The following RCC1L variants were observed in gnomAD, a reference collection of about 807,000 sequenced individuals.
RCC1L encodes RCC1-like G exchanging factor-like protein.
In RCC1L, 46 loss-of-function variants were observed where a neutral mutation model predicts 58.6. That is an observed-to-expected ratio of 0.79 (90% CI 0.62 to 1.00). RCC1L has a LOEUF of 1.00. Among genes scored for constraint, RCC1L ranks in the 50% least tolerant of loss-of-function variants. The probability of loss-of-function intolerance (pLI) is 0.00; values close to 1 mark genes in which losing one functional copy is unlikely to be tolerated. For missense variants in RCC1L, 636 were observed against 623.6 expected (o/e 1.02, Z -0.21); for synonymous variants, 281 against 262.9 (o/e 1.07, Z -0.67).
chr7:75,043,108 A>G lies in RCC1L; in HGVS notation c.1319T>C (p.Val440Ala). The change falls in exon 11 of 11, where the codon GTG (valine) becomes GCG (alanine). Residue 440 changes from valine to alanine, a missense_variant and splice_region_variant. Coordinates refer to ENST00000610322, the MANE Select transcript of RCC1L (RefSeq NM_030798.5). ...GTCCACAGGCTCCCCAGGCATCGTC[A>G]CCTGAAAAATAAGATCCAGCATACC... Reference protein sequence around the residue: ...RLEDQYFPWRVTMPGEPVDVA... With the variant: ...RLEDQYFPWRATMPGEPVDVA... 1 of 1,613,974 alleles carries G rather than the reference A, an allele frequency of 6.2e-7. No homozygotes were observed. Among genetic ancestry groups the G allele is most frequent in the Non-Finnish European group, 8.5e-7 (1 of 1,179,862 alleles).
chr7:75,036,908 T>A (rs1584485861), intron 10 of RCC1L, among the ~76,000 whole-genome samples: 1 of 151,992 alleles, frequency 6.6e-6, no homozygotes, highest in East Asian at 1.9e-4. Context: ...GTCTCAAAAA[T>A]ATATATATGT....
chr7:75,044,467 C>T (rs984320148), intron 10 of RCC1L, among the ~76,000 whole-genome samples: 8 of 151,502 alleles, frequency 5.3e-5, no homozygotes, highest in East Asian at 2.0e-4. Flanking sequence ...GGTGTGGTGG[C>T]GCACGCCTAT....
chr7:75,056,314 C>T (rs938704140), intron 8 of RCC1L, among the ~76,000 whole-genome samples: 134 of 152,140 alleles, frequency 8.8e-4, no homozygotes, highest in African/African-American at 3.1e-3. Flanking sequence ...TCTCCTGGCT[C>T]AGAACACAAA....
intron 6 of RCC1L, among the ~76,000 whole-genome samples, chr7:75,059,328 T>C (rs1420757068): frequency 6.6e-6 from 1 of 151,476 alleles, no homozygotes; most frequent in African/African-American, 2.4e-5. Flanking sequence ...AGTGGTGCGA[T>C]CTCGGCTCAC....
intron 7 of RCC1L, chr7:75,057,880 G>A (rs1054508907): frequency 1.9e-5 from 9 of 475,280 alleles, no homozygotes; most frequent in Non-Finnish European, 2.4e-5. Flanking sequence ...ATTTGTGGCC[G>A]GGTGTGGTGG....
rs1169350324 is a variant in RCC1L, at chr7:75,044,599, GA to G, written c.1318-1491del. Among the ~76,000 whole-genome samples the G allele has an allele frequency of 5.9e-3, 238 of 40,662 alleles. 1 individual carries two copies. The highest frequency in any genetic ancestry group is 0.018 in the African/African-American group (158 of 8,972). 26.7% of individuals were successfully genotyped at this position (40,662 alleles called of 152,430 possible). On this transcript the variant is annotated intron_variant, in intron 10 of 10. Coordinates refer to ENST00000610322, the MANE Select transcript of RCC1L (RefSeq NM_030798.5). Reference sequence around the variant, plus strand: ...GGGCGACAGAGCAAGACTCTGTCTCGAAAAAAAAAAAAAAAAAAAAAAAAGT... The same window carrying G: ...GGGCGACAGAGCAAGACTCTGTCTCGAAAAAAAAAAAAAAAAAAAAAAAGT...
Position 75,073,536 on chromosome 7 carries a change from A to G in RCC1L, c.202T>C (p.Phe68Leu). 1.3e-6 allele frequency: 2 copies of G among 1,486,482 alleles called. No individual in the cohort carries two copies. The highest frequency in any genetic ancestry group is 1.8e-6 in the Non-Finnish European group (2 of 1,127,368). The allele number at this position is 1,486,482 out of a possible 1,614,324, so 92.1% of individuals were successfully genotyped here. A position where few individuals can be genotyped will look rare whatever the true frequency, so the allele number is the denominator to read the frequency against. Residue 68 changes from phenylalanine to leucine, a missense_variant, in exon 1 of 11, where the codon TTC becomes CTC. By Grantham distance (22) the Phe-to-Leu change is conservative (BLOSUM62 0). Coordinates refer to ENST00000610322, the MANE Select transcript of RCC1L (RefSeq NM_030798.5). Reference sequence around the variant, plus strand: ...GAAGGCACGCCCAGCGCCCCCGAGAAGCTGAAGCCCCACACGAAGACGCGA... The same window carrying G: ...GAAGGCACGCCCAGCGCCCCCGAGAGGCTGAAGCCCCACACGAAGACGCGA... ...ADRVFVWGFSFSGALGVPSFV... is the reference protein window; with the variant it reads ...ADRVFVWGFSLSGALGVPSFV...
In RCC1L at chr7:75,042,950, C is replaced by G; in HGVS notation, c.*82G>C. ...CTCCGCCACCACCATCCAAGAACCC[C>G]GGGGGGCTGGCCACGCGCTGGCCTC... is the stretch of plus-strand genomic sequence containing the variant. On this transcript the variant is annotated 3_prime_UTR_variant, in exon 11 of 11. Transcript: ENST00000610322. 2 of 1,606,468 alleles carry G rather than the reference C, an allele frequency of 1.2e-6. No individual in the cohort carries two copies. Among genetic ancestry groups the G allele is most frequent in the Non-Finnish European group, 8.5e-7 (1 of 1,176,144 alleles).
At position 75,061,385 on chromosome 7, in the gene RCC1L, C is replaced by T. The variant is rs1806275844; in HGVS notation, c.703-94G>A. On this transcript the variant is annotated intron_variant, in intron 5 of 10. Coordinates refer to ENST00000610322, the MANE Select transcript of RCC1L (RefSeq NM_030798.5). ...AGGACCAGCACCATCGCCTGCCGCT[C>T]CTGGGCACCTGGAGCATGGTCCAGG... 7 of 1,016,362 alleles carry T rather than the reference C, an allele frequency of 6.9e-6. No homozygotes were observed. The African/African-American group carries it at 1.1e-4, about 16-fold the overall frequency. The allele number at this position is 1,016,362 out of a possible 1,614,324, so 63.0% of individuals were successfully genotyped here.
intron 10 of RCC1L, among the ~76,000 whole-genome samples, chr7:75,051,188 T>A (rs1224740283): frequency 2.3e-4 from 33 of 144,700 alleles, no homozygotes; most frequent in Middle Eastern, 3.6e-3. Context: ...AATATATATA[T>A]ATATATATTT....
Position 75,058,691 on chromosome 7 carries a change from G to T in RCC1L, c.866C>A (p.Ala289Asp), listed in dbSNP as rs1806165212. 1.2e-6 allele frequency: 2 copies of T among 1,613,856 alleles called. No individual in the cohort carries two copies. The highest frequency in any genetic ancestry group is 2.7e-5 in the African/African-American group (2 of 74,928). ...GGCCAGGCAGCAATCACCGTAGGTG[G>T]CAACTTGGATAACGTTCACTCCCGC... ...DLAGVNVIQV[A>D]TYGDCCLAVS... Residue 289 changes from alanine to aspartate, a missense_variant, in exon 7 of 11, where the codon GCC (alanine) becomes GAC (aspartate). Coordinates refer to ENST00000610322, the MANE Select transcript of RCC1L (RefSeq NM_030798.5).
chr7:75,068,540 G>T (rs954749541), intron 2 of RCC1L, among the ~76,000 whole-genome samples: 1 of 151,850 alleles, frequency 6.6e-6, no homozygotes. Context: ...CCCCAAATTA[G>T]CCAGGTGTGA....
exon 11 of RCC1L, chr7:75,027,755 C>A: frequency 2.0e-6 from 1 of 493,208 alleles, no homozygotes; most frequent in Non-Finnish European, 3.7e-6. Flanking sequence ...TTTCCCATCC[C>A]CATCCTGCTC....
At chr7:75,054,819 A>T (rs1806024593) in intron 9 of RCC1L, among the ~76,000 whole-genome samples, 1 of 152,228 alleles carries the variant, frequency 6.6e-6, no homozygotes, top group South Asian at 2.1e-4. Flanking sequence ...ACTCAGCTGC[A>T]AATGCAAGTG....
intron 3 of RCC1L, among the ~76,000 whole-genome samples, chr7:75,066,400 G>A (rs1274903965): frequency 2.6e-5 from 4 of 152,004 alleles, no homozygotes; most frequent in African/African-American, 9.7e-5. Flanking sequence ...CTTGCAGTGA[G>A]CCGAGATTAC....
At chr7:75,054,513 T>C (rs1806016798) in intron 9 of RCC1L, among the ~76,000 whole-genome samples, 1 of 152,224 alleles carries the variant, frequency 6.6e-6, no homozygotes, top group African/African-American at 2.4e-5. Context: ...AACATGTGTC[T>C]CTGCCCATAG....
intron 2 of RCC1L, among the ~76,000 whole-genome samples, chr7:75,069,560 CTGTTTGTT>C (rs202155222): frequency 1.3e-5 from 2 of 151,304 alleles, no homozygotes; most frequent in African/African-American, 2.4e-5. Flanking sequence ...GTCTACTTTT[CTGTTTGTT>C]TGTTTGTTTG....
chr7:75,035,605 T>G (rs1399812935), intron 10 of RCC1L, among the ~76,000 whole-genome samples: 1 of 152,106 alleles, frequency 6.6e-6, no homozygotes, highest in East Asian at 1.9e-4. Context: ...AATGTGAAAC[T>G]TATACATGAA....
exon 11 of RCC1L, chr7:75,027,713 C>G: frequency 2.5e-6 from 1 of 392,990 alleles, no homozygotes; most frequent in Admixed American, 4.1e-5. Context: ...CCCTGGGGAC[C>G]CTGCTCCTCG....
Sources: gnomAD v4.1 joint callset for allele counts (sites outside exome capture counted in the v4.1 genomes callset) on GRCh38, gnomAD v4.1.1 for gene constraint, MANE v1.5 for transcripts, NCBI Gene and HGNC (gene_info 2026-07-23, HGNC 2026-07-21) for gene names.